PPM1H: variants seen among roughly 807,000 people sequenced by gnomAD.
PPM1H encodes the protein protein phosphatase 1H.
PPM1H carries 27 observed loss-of-function variants against 54.9 expected under a neutral mutation model. That is an observed-to-expected ratio of 0.49 (90% CI 0.36 to 0.68). The LOEUF (loss-of-function observed/expected upper bound fraction) is 0.68. Ranked by LOEUF, PPM1H falls within the 30% of genes least tolerant of loss-of-function variation. PPM1H has a pLI of 0.00. For synonymous variants in PPM1H, 305 were observed against 270.8 expected, an observed-to-expected ratio of 1.13 and a Z score of -1.24; for missense variants, 596 against 667.8, an observed-to-expected ratio of 0.89 and a Z score of 1.19.
At chr12:62,793,740 CAAAAAAAAAAA>C (rs34457644) in intron 3 of PPM1H, among the ~76,000 whole-genome samples, 24 of 61,226 alleles carry the variant, frequency 3.9e-4, no homozygotes, top group South Asian at 7.2e-4. Context: ...AACTCCGTTT[CAAAAAAAAAAA>C]AAAAAAAAAA....
At chr12:62,927,752 T>C (rs1253909835) in intron 1 of PPM1H, among the ~76,000 whole-genome samples, 3 of 151,960 alleles carry the variant, frequency 2.0e-5, no homozygotes. Context: ...GGAGACATGT[T>C]ATAAGACATG....
At chr12:62,765,423 C>G (rs2076535714) in intron 4 of PPM1H, among the ~76,000 whole-genome samples, 1 of 152,226 alleles carries the variant, frequency 6.6e-6, no homozygotes, top group African/African-American at 2.4e-5. Flanking sequence ...CCTCCCTGGA[C>G]TGACTGCACC....
chr12:62,771,417 G>C (rs1266656424), intron 4 of PPM1H, among the ~76,000 whole-genome samples: 1 of 151,962 alleles, frequency 6.6e-6, no homozygotes, highest in South Asian at 2.1e-4. Flanking sequence ...CTAGGGTCCA[G>C]AGCTAATATC....
At chr12:62,724,557 G>A (rs1189447195) in intron 5 of PPM1H, among the ~76,000 whole-genome samples, 1 of 152,166 alleles carries the variant, frequency 6.6e-6, no homozygotes, top group Non-Finnish European at 1.5e-5. Flanking sequence ...GGATGTGCAG[G>A]TTTGAAAGGG....
intron 1 of PPM1H, among the ~76,000 whole-genome samples, chr12:62,932,615 G>A (rs1055935996): frequency 8.2e-6 from 1 of 122,036 alleles, no homozygotes. Context: ...GTCTCGTAAA[G>A]GGTCCAAATG....
intron 9 of PPM1H, chr12:62,658,704 G>A (rs1368974251): frequency 8.6e-5 from 29 of 338,692 alleles, no homozygotes; most frequent in Non-Finnish European, 1.5e-4. Flanking sequence ...CATTTCCTAG[G>A]AACAGTTCAT....
chr12:62,705,666 G>A (rs377232533), intron 6 of PPM1H, among the ~76,000 whole-genome samples: 22 of 152,098 alleles, frequency 1.4e-4, no homozygotes, highest in Admixed American at 3.3e-4. Flanking sequence ...ACACTTGGCC[G>A]TAACAGCTTC....
intron 4 of PPM1H, among the ~76,000 whole-genome samples, chr12:62,740,086 C>G (rs986062697): frequency 1.9e-4 from 29 of 152,198 alleles, no homozygotes; most frequent in South Asian, 2.1e-4. Context: ...AAACCAAAAC[C>G]AAACAGATGA....
At chr12:62,665,072 G>C (rs2075909524) in intron 9 of PPM1H, among the ~76,000 whole-genome samples, 1 of 151,216 alleles carries the variant, frequency 6.6e-6, no homozygotes, top group Non-Finnish European at 1.5e-5. Flanking sequence ...TTTTGGGACA[G>C]AGTCTCACTC....
chr12:62,905,197 T>A (rs1416147514), intron 1 of PPM1H, among the ~76,000 whole-genome samples: 5 of 152,196 alleles, frequency 3.3e-5, no homozygotes, highest in Non-Finnish European at 7.3e-5. Flanking sequence ...ACAGTGAGCA[T>A]CATGTAAGTA....
intron 1 of PPM1H, among the ~76,000 whole-genome samples, chr12:62,841,176 T>C (rs1224468929): frequency 6.6e-6 from 1 of 151,816 alleles, no homozygotes; most frequent in East Asian, 1.9e-4. Flanking sequence ...ATAATGCAAT[T>C]GGTTTTAGGT....
At chr12:62,820,906 G>A (rs1014295088) in intron 2 of PPM1H, among the ~76,000 whole-genome samples, 2 of 152,190 alleles carry the variant, frequency 1.3e-5, no homozygotes, top group Admixed American at 1.3e-4. Context: ...GAACAAAGCT[G>A]GATGGAGAAT....
intron 8 of PPM1H, among the ~76,000 whole-genome samples, chr12:62,669,886 C>T (rs1252008336): frequency 6.7e-6 from 1 of 150,266 alleles, no homozygotes; most frequent in African/African-American, 2.5e-5. Context: ...CTGTGGTGAG[C>T]CATGACTGTG....
At chr12:62,906,424 T>C (rs1014637097) in intron 1 of PPM1H, among the ~76,000 whole-genome samples, 47 of 152,204 alleles carry the variant, frequency 3.1e-4, no homozygotes, top group Non-Finnish European at 2.9e-5. Flanking sequence ...CATTGCAGTT[T>C]AAGTTGTTAA....
intron 4 of PPM1H, among the ~76,000 whole-genome samples, chr12:62,770,851 A>G (rs2076575137): frequency 6.6e-6 from 1 of 152,026 alleles, no homozygotes; most frequent in South Asian, 2.1e-4. Flanking sequence ...TTCAAAAGCC[A>G]TTTTATTATT....
chr12:62,816,762 A>T (rs1054538218), intron 2 of PPM1H, among the ~76,000 whole-genome samples: 1 of 151,970 alleles, frequency 6.6e-6, no homozygotes, highest in Non-Finnish European at 1.5e-5. Flanking sequence ...TGAAAGAAGA[A>T]AATAAAGTTT....
At position 62,913,493 on chromosome 12, in the gene PPM1H, G is replaced by A. The variant is rs114786655; in HGVS notation, c.245+20999C>T. Among the ~76,000 whole-genome samples, 581 of 152,182 alleles carry A rather than the reference G, an allele frequency of 3.8e-3. 6 individuals are homozygous for A. Among genetic ancestry groups the A allele is most frequent in the Middle Eastern group, 0.014 (4 of 294 alleles). On this transcript the variant is annotated intron_variant, in intron 1 of 9. Coordinates refer to ENST00000228705, the MANE Select transcript of PPM1H (RefSeq NM_020700.2). ...TCTGCCCTTCCATGCACCCACACTC[G>A]CTTTCCTTTCCAGCTCTCCACTGTC...
At chr12:62,866,159 C>A (rs1442467745) in intron 1 of PPM1H, among the ~76,000 whole-genome samples, 1 of 152,126 alleles carries the variant, frequency 6.6e-6, no homozygotes, top group African/African-American at 2.4e-5. Context: ...TTTTTTTACT[C>A]TCTTCTTCCT....
chr12:62,683,128 T>C (rs1003532472), intron 8 of PPM1H, among the ~76,000 whole-genome samples: 4 of 150,906 alleles, frequency 2.7e-5, no homozygotes, highest in African/African-American at 9.7e-5. Context: ...CAGGTTGGTC[T>C]TGAACTCCTG....
Sources: allele counts gnomAD v4.1 joint callset (sites outside exome capture counted in the v4.1 genomes callset), GRCh38; gene constraint gnomAD v4.1.1; transcripts MANE v1.5; gene names NCBI Gene and HGNC (gene_info 2026-07-23, HGNC 2026-07-21).